UMODL1: variants seen among roughly 807,000 people sequenced by gnomAD.
UMODL1 encodes the protein uromodulin-like 1.
Under a neutral mutation model 136.3 loss-of-function variants are expected in UMODL1, and 128 were observed. The ratio of observed to expected loss-of-function variants is 0.94; its 90% CI spans 0.81 to 1.09. The LOEUF (loss-of-function observed/expected upper bound fraction) is 1.09. Ranked by LOEUF, UMODL1 falls within the 50% of genes least tolerant of loss-of-function variation. The pLI is 0.00. For missense variants in UMODL1, 1,766 were observed against 1,725.6 expected (o/e 1.02, Z -0.41); for synonymous variants, 721 against 720.0 (o/e 1.00, Z -0.02).
At chr21:42,091,073 T>C (rs1410197316) in intron 6 of UMODL1, among the ~76,000 whole-genome samples, 4 of 152,202 alleles carry the variant, frequency 2.6e-5, no homozygotes, top group Non-Finnish European at 5.9e-5. Context: ...CGGCACAGAA[T>C]ACACTTAGTT....
At chr21:42,121,037 C>A (rs568828190) in intron 15 of UMODL1, 50 bp from the exon 16 acceptor site, 19 of 1,574,526 alleles carry the variant, frequency 1.2e-5, no homozygotes, top group Non-Finnish European at 1.6e-5. Context: ...GCTGTGAGAC[C>A]ACAAGCCCCC....
At chr21:42,090,042 G>T (rs1265613974) in intron 5 of UMODL1, among the ~76,000 whole-genome samples, 1 of 152,220 alleles carries the variant, frequency 6.6e-6, no homozygotes, top group African/African-American at 2.4e-5. Context: ...TTGCTCACGT[G>T]AGGCTGCCCG....
At chr21:42,068,086 C>A (rs1326098040), upstream of UMODL1, among the ~76,000 whole-genome samples, 1 of 152,080 alleles carries the variant, frequency 6.6e-6, no homozygotes, top group African/African-American at 2.4e-5. This position sits in a 1 kb window ranked among gnomAD's most constrained non-coding sequence, Gnocchi z 5.5. Context: ...CACTCACTGT[C>A]CAGTGTGAGG....
Position 42,099,153 on chromosome 21 carries a change from G to A in UMODL1, c.1159G>A (p.Val387Ile), listed in dbSNP as rs371828842. ...CAGCTACCAGGGGTGCGGGGCCGAC[G>A]TCTCCACCACGCTGACCATCAAAAC... Reference protein sequence around the residue: ...KTSYQGCGADVSTTLTIKTNA... With the variant: ...KTSYQGCGADISTTLTIKTNA... The change falls in exon 7 of 23, where the codon GTC (valine) becomes ATC (isoleucine). Residue 387 changes from valine (V) to isoleucine (I), a missense_variant. Physicochemically the swap from Val to Ile is conservative, Grantham distance 29 (BLOSUM62 3). Coordinates refer to ENST00000408910, the MANE Select transcript of UMODL1 (RefSeq NM_001004416.3). The surrounding 1 kb of genome is among the most constrained non-coding windows in gnomAD (Gnocchi z 4.1). 1.1e-5 allele frequency: 17 copies of A among 1,613,020 alleles called. No homozygotes were observed. Among genetic ancestry groups the A allele is most frequent in the African/African-American group, 6.7e-5 (5 of 74,880 alleles).
intron 14 of UMODL1, among the ~76,000 whole-genome samples, chr21:42,116,198 CA>C (rs1355017855): frequency 1.2e-5 from 1 of 81,000 alleles, no homozygotes; most frequent in Non-Finnish European, 2.6e-5. Flanking sequence ...AAAAAAAATA[CA>C]AAAAATGAGC....
In UMODL1 at chr21:42,111,235, G is replaced by A. The variant is rs76618631; in HGVS notation, c.1899+114G>A. On this transcript the variant is annotated intron_variant, in intron 11 of 22. Coordinates refer to ENST00000408910, the MANE Select transcript of UMODL1 (RefSeq NM_001004416.3). ...TCAGACAGGAGAGTACCAGCCAGGC[G>A]AGCCCCAGCCAGAGGAGCACCAGCC... is the stretch of plus-strand genomic sequence containing the variant. 5,193 of 1,526,600 alleles carry A rather than the reference G, an allele frequency of 3.4e-3. 139 individuals carry two copies. The African/African-American group carries it at 0.061, about 18-fold the overall frequency. 94.6% of individuals were successfully genotyped at this position (1,526,600 alleles called of 1,614,324 possible).
chr21:42,125,724 T>C (rs1481954763), intron 17 of UMODL1, among the ~76,000 whole-genome samples: 1 of 152,084 alleles, frequency 6.6e-6, no homozygotes, highest in East Asian at 1.9e-4. Flanking sequence ...GAGAGGTGCA[T>C]GTGGGCCGGG....
chr21:42,103,583 A>G (rs888238803), intron 8 of UMODL1: 68 of 552,680 alleles, frequency 1.2e-4, no homozygotes, highest in South Asian at 8.8e-4. Context: ...CAGGACACTC[A>G]GAGGGGATTG....
At chr21:42,075,202 C>A (rs890935558) in intron 1 of UMODL1, among the ~76,000 whole-genome samples, 17 of 151,726 alleles carry the variant, frequency 1.1e-4, no homozygotes, top group African/African-American at 3.4e-4. Context: ...GCGCCCAGCC[C>A]ACACCCGGCT....
intron 7 of UMODL1, among the ~76,000 whole-genome samples, chr21:42,101,074 C>A (rs1047586232): frequency 5.3e-5 from 8 of 151,414 alleles, no homozygotes; most frequent in Non-Finnish European, 8.8e-5. Flanking sequence ...GATTTTCTTT[C>A]CTTTTCCAGA....
At chr21:42,073,287 C>A (rs958928579) in intron 1 of UMODL1, among the ~76,000 whole-genome samples, 1 of 152,200 alleles carries the variant, frequency 6.6e-6, no homozygotes, top group Non-Finnish European at 1.5e-5. Context: ...GCGTTCCTTC[C>A]GGCCATATTC....
Position 42,077,631 on chromosome 21 carries a change from ACAGT to A in UMODL1, c.319+1385_319+1388del, listed in dbSNP as rs539929867. 2.6e-5 allele frequency among the ~76,000 whole-genome samples: 4 copies of A among 152,376 alleles called. No homozygotes were observed. The South Asian group carries it at 8.3e-4, about 32-fold the overall frequency. On this transcript the variant is annotated intron_variant, in intron 2 of 22. Transcript: ENST00000408910. ...CTGGGAACTGCGGATATAGCTCGCC[ACAGT>A]ATCTTATCAGTTAACTGCATTCTTG... is the stretch of plus-strand genomic sequence containing the variant.
chr21:42,073,906 G>A (rs967318829), intron 1 of UMODL1, among the ~76,000 whole-genome samples: 1 of 152,166 alleles, frequency 6.6e-6, no homozygotes, highest in Non-Finnish European at 1.5e-5. Context: ...TAGAGCTCAG[G>A]GGTTGAGTGT....
chr21:42,096,750 C>A (rs1300299325), intron 6 of UMODL1, among the ~76,000 whole-genome samples: 1 of 152,166 alleles, frequency 6.6e-6, no homozygotes, highest in Non-Finnish European at 1.5e-5. Context: ...CTCGTGGCCG[C>A]CCCACTTTCC....
At chr21:42,082,586 C>A (rs2066374684) in intron 2 of UMODL1, among the ~76,000 whole-genome samples, 1 of 152,196 alleles carries the variant, frequency 6.6e-6, no homozygotes, top group South Asian at 2.1e-4. Context: ...CAAGCCTTCT[C>A]TGGGGCCCAG....
chr21:42,081,253 G>C (rs540629276), intron 2 of UMODL1, among the ~76,000 whole-genome samples: 1 of 152,298 alleles, frequency 6.6e-6, no homozygotes, highest in East Asian at 1.9e-4. Context: ...AAGAGGCCCC[G>C]AGGAAGGAGG....
At chr21:42,127,858 T>C in intron 20 of UMODL1, 27 bp downstream of exon 20, 1 of 1,608,538 alleles carries the variant, frequency 6.2e-7, no homozygotes, top group East Asian at 2.2e-5. Flanking sequence ...TTTCTAAACG[T>C]TTGGTTGGAT....
intron 1 of UMODL1, among the ~76,000 whole-genome samples, chr21:42,074,871 C>T (rs914212805): frequency 6.6e-6 from 1 of 151,860 alleles, no homozygotes; most frequent in African/African-American, 2.4e-5. Context: ...ATTACAGGCA[C>T]CAGCCACCAC....
At chr21:42,072,068 A>AAAC (rs1413352456) in intron 1 of UMODL1, among the ~76,000 whole-genome samples, 5 of 114,764 alleles carry the variant, frequency 4.4e-5, no homozygotes, top group African/African-American at 1.0e-4. Flanking sequence ...AACAAACAAA[A>AAAC]AAAGCCACAA....
Sources: allele counts gnomAD v4.1 joint callset (sites outside exome capture counted in the v4.1 genomes callset), GRCh38; gene constraint gnomAD v4.1.1; non-coding constraint Gnocchi (gnomAD v3.1); transcripts MANE v1.5; gene names NCBI Gene and HGNC (gene_info 2026-07-23, HGNC 2026-07-21).